Variants in CCDC62 observed in about 807,000 individuals in gnomAD.
CCDC62 encodes coiled-coil domain containing 62, also known as coiled-coil domain-containing protein 62.
A neutral mutation model predicts 80.8 loss-of-function variants in CCDC62; 72 were observed. The observed-to-expected ratio is 0.89, with a 90% CI of 0.74 to 1.08. CCDC62 has a LOEUF of 1.08. Among genes scored for constraint, CCDC62 ranks in the 50% least tolerant of loss-of-function variants. The pLI is 0.00. For missense variants in CCDC62, 704 were observed against 809.4 expected (o/e 0.87, Z 1.58); for synonymous variants, 286 against 296.5 (o/e 0.96, Z 0.36).
Position 122,801,120 on chromosome 12 carries a change from A to G in CCDC62, c.978-4A>G, listed in dbSNP as rs541181423. On this transcript the variant is annotated splice_region_variant and splice_polypyrimidine_tract_variant and intron_variant, in intron 8 of 12. Transcript: ENST00000253079. ...CCTCCATTTTTTTTCTAATGCCACCATAGCAGAGACATGTGTTTATCAGAC... is the reference window on the plus strand; with the variant it reads ...CCTCCATTTTTTTTCTAATGCCACCGTAGCAGAGACATGTGTTTATCAGAC... The G allele has an allele frequency of 1.1e-5, 17 of 1,601,654 alleles. No individual in the cohort carries two copies. Among genetic ancestry groups the G allele is most frequent in the Middle Eastern group, 1.7e-4 (1 of 6,010 alleles).
chr12:122,786,011 C>T (rs1217762597), intron 4 of CCDC62, among the ~76,000 whole-genome samples, 191 bp downstream of exon 4: 1 of 152,204 alleles, frequency 6.6e-6, no homozygotes, highest in Non-Finnish European at 1.5e-5. Context: ...AGAAAGGAGG[C>T]AGGACTCTGC....
intron 2 of CCDC62, among the ~76,000 whole-genome samples, chr12:122,778,655 G>A (rs918607468): frequency 1.3e-5 from 2 of 152,144 alleles, no homozygotes; most frequent in South Asian, 2.1e-4. Flanking sequence ...TGAGGCAGGC[G>A]GATCACTTGA....
intron 6 of CCDC62, among the ~76,000 whole-genome samples, chr12:122,797,025 G>A (rs970353134): frequency 2.0e-5 from 3 of 151,850 alleles, no homozygotes; most frequent in Non-Finnish European, 4.4e-5. Flanking sequence ...ACCACAGGCA[G>A]GCACCACCAC....
chr12:122,809,391 GAC>G (rs2031768613), intron 10 of CCDC62, among the ~76,000 whole-genome samples: 1 of 152,210 alleles, frequency 6.6e-6, no homozygotes, highest in Admixed American at 6.5e-5. Flanking sequence ...TCAAGAGGTT[GAC>G]GTGGAAGAAT....
At chr12:122,810,941 G>A (rs530388571) in intron 10 of CCDC62, among the ~76,000 whole-genome samples, 16 of 147,246 alleles carry the variant, frequency 1.1e-4, no homozygotes, top group African/African-American at 4.0e-4. Context: ...AACACTGCAT[G>A]TTCTCACTCA....
chr12:122,801,579 A>G lies in CCDC62; in HGVS notation c.1433A>G (p.His478Arg), dbSNP rs750997907. 1.2e-6 allele frequency: 2 copies of G among 1,614,162 alleles called. No individual in the cohort carries two copies. The highest frequency in any genetic ancestry group is 2.7e-5 in the African/African-American group (2 of 75,046). Residue 478 changes from histidine to arginine, a missense_variant, in exon 9 of 13, where the codon CAT becomes CGT. Transcript: ENST00000253079. ...CTGACCAACTGTCCAAGTTCAAAAC[A>G]TCCAGAAAAGCTGGATGTAGAATGT... ...LGLTNCPSSK[H>R]PEKLDVECQD... is the part of the protein sequence containing the mutation.
At chr12:122,777,722 G>T in intron 2 of CCDC62, 39 bp downstream of exon 2, 1 of 1,560,078 alleles carries the variant, frequency 6.4e-7, no homozygotes, top group Non-Finnish European at 8.8e-7. Context: ...ATGCACTTCT[G>T]TGTGCTAACA....
intron 11 of CCDC62, among the ~76,000 whole-genome samples, chr12:122,821,199 A>G (rs970974730): frequency 2.0e-5 from 3 of 152,164 alleles, no homozygotes; most frequent in Non-Finnish European, 4.4e-5. Context: ...ACTGTTTTCA[A>G]CACGGCTCAC....
At chr12:122,790,645 G>A (rs2030546521) in intron 5 of CCDC62, among the ~76,000 whole-genome samples, 1 of 152,058 alleles carries the variant, frequency 6.6e-6, no homozygotes, top group Non-Finnish European at 1.5e-5. Flanking sequence ...AACAGAGCAA[G>A]ATCCTGCCTC....
rs1210822025 is a variant in CCDC62, at chr12:122,812,796, AAAGAAAG to A, written c.1852-471_1852-465del. ...GAGAGAGAGAAAGAAAGAAAGAAAGAAAGAAAGAAAGAAAGAAAGAAAGAAAGAAAGA... is the reference window on the plus strand; with the variant it reads ...GAGAGAGAGAAAGAAAGAAAGAAAGAAAAGAAAGAAAGAAAGAAAGAAAGA... On this transcript the variant is annotated intron_variant, in intron 10 of 12. Transcript: ENST00000253079. Among the ~76,000 whole-genome samples, 22 of 147,254 alleles carry A rather than the reference AAAGAAAG, an allele frequency of 1.5e-4. 1 individual carries two copies. The South Asian group carries it at 3.3e-3, about 22-fold the overall frequency.
intron 12 of CCDC62, among the ~76,000 whole-genome samples, 186 bp downstream of exon 12, chr12:122,823,645 T>C (rs890411479): frequency 1.3e-5 from 2 of 150,128 alleles, no homozygotes; most frequent in South Asian, 2.1e-4. Context: ...TGCAAAGAAA[T>C]GCAGATCAAA....
chr12:122,795,353 A>C (rs2030875119), intron 6 of CCDC62, among the ~76,000 whole-genome samples: 1 of 151,926 alleles, frequency 6.6e-6, no homozygotes, highest in Non-Finnish European at 1.5e-5. Context: ...ACCCAGTCAG[A>C]TGTTACCATG....
chr12:122,823,596 C>A, intron 12 of CCDC62, 137 bp downstream of exon 12: 1 of 515,792 alleles, frequency 1.9e-6, no homozygotes, highest in Non-Finnish European at 3.5e-6. Flanking sequence ...CCAATTTATG[C>A]ATACTTCTAA....
intron 6 of CCDC62, among the ~76,000 whole-genome samples, chr12:122,795,043 A>T (rs1019138237): frequency 6.6e-6 from 1 of 151,588 alleles, no homozygotes; most frequent in Non-Finnish European, 1.5e-5. Flanking sequence ...AAATGTCACG[A>T]TTTTTTTTGT....
chr12:122,787,745 A>T (rs1363282608), intron 4 of CCDC62, among the ~76,000 whole-genome samples: 1 of 151,498 alleles, frequency 6.6e-6, no homozygotes, highest in East Asian at 1.9e-4. Flanking sequence ...GCGAGACTTC[A>T]TCTGGAAAAA....
At chr12:122,816,724 C>A (rs1223910563) in intron 11 of CCDC62, among the ~76,000 whole-genome samples, 3 of 152,034 alleles carry the variant, frequency 2.0e-5, no homozygotes, top group African/African-American at 7.2e-5. Flanking sequence ...CAGAGTGAGA[C>A]CCTATATCAA....
At chr12:122,786,804 C>A (rs2030270627) in intron 4 of CCDC62, among the ~76,000 whole-genome samples, 1 of 151,580 alleles carries the variant, frequency 6.6e-6, no homozygotes, top group Non-Finnish European at 1.5e-5. Flanking sequence ...ACTAAAAATA[C>A]AAAAAATTCC....
chr12:122,788,663 A>G, intron 4 of CCDC62, 95 bp from the exon 5 acceptor site: 1 of 760,062 alleles, frequency 1.3e-6, no homozygotes, highest in Admixed American at 2.7e-5. Context: ...CTTAGAGTGG[A>G]ACCTGGCACA....
At chr12:122,774,741 G>A in intron 1 of CCDC62, 35 bp downstream of exon 1, 3 of 1,240,146 alleles carry the variant, frequency 2.4e-6, no homozygotes, top group South Asian at 4.0e-5. Context: ...GGGGCGCCGC[G>A]GGAACGGTGC....
Sources: allele counts gnomAD v4.1 joint callset (sites outside exome capture counted in the v4.1 genomes callset), GRCh38; gene constraint gnomAD v4.1.1; transcripts MANE v1.5; gene names NCBI Gene and HGNC (gene_info 2026-07-23, HGNC 2026-07-21).